EYS: variants seen among roughly 807,000 people sequenced by gnomAD.
EYS encodes EGF-like photoreceptor maintenance factor, also known as protein eyes shut homolog.
EYS carries 250 observed loss-of-function variants against 282.1 expected under a neutral mutation model. That is an observed-to-expected ratio of 0.89 (90% confidence interval 0.80 to 0.98). The LOEUF is 0.98. Ranked by LOEUF, EYS falls within the 50% of genes least tolerant of loss-of-function variation. The probability of loss-of-function intolerance (pLI) is 0.00; values close to 1 mark genes in which losing one functional copy is unlikely to be tolerated. For missense variants in EYS, 4,016 were observed against 3,709.0 expected (o/e 1.08, Z -2.15); for synonymous variants, 1,355 against 1,282.9 (o/e 1.06, Z -1.20).
intron 22 of EYS, among the ~76,000 whole-genome samples, chr6:64,646,983 G>C (rs972545138): frequency 6.6e-6 from 1 of 152,044 alleles, no homozygotes; most frequent in East Asian, 1.9e-4. Context: ...AAAGAGTAGT[G>C]AATGGAATGT....
At chr6:64,396,564 A>G (rs1002142854) in intron 28 of EYS, among the ~76,000 whole-genome samples, 8 of 152,110 alleles carry the variant, frequency 5.3e-5, no homozygotes, top group African/African-American at 1.7e-4. Flanking sequence ...ATTGACATTT[A>G]GATCTACAAT....
chr6:64,090,918 A>C (rs1205337403), intron 31 of EYS, among the ~76,000 whole-genome samples: 1 of 152,174 alleles, frequency 6.6e-6, no homozygotes, highest in African/African-American at 2.4e-5. Flanking sequence ...AATTACTGCC[A>C]AATGGATGTT....
At chr6:64,459,632 C>T (rs1434880115) in intron 26 of EYS, among the ~76,000 whole-genome samples, 1 of 152,038 alleles carries the variant, frequency 6.6e-6, no homozygotes, top group African/African-American at 2.4e-5. Context: ...GGTGTAAGTC[C>T]AAGAATCCAA....
intron 1 of EYS, among the ~76,000 whole-genome samples, chr6:65,660,505 A>C (rs2149825200): frequency 6.6e-6 from 1 of 151,836 alleles, no homozygotes; most frequent in East Asian, 1.9e-4. Flanking sequence ...CCTTTTTGAA[A>C]CCTGTAAGGA....
chr6:64,316,112 T>C lies in EYS; in HGVS notation c.6079-9030A>G, dbSNP rs1276589657. ...AATGACAAACTTACAGCCAATATCA[T>C]ACTGAATGGGCAAAAACTGGAAACA... is the stretch of plus-strand genomic sequence containing the variant. On this transcript the variant is annotated intron_variant, in intron 29 of 42. Transcript: ENST00000503581. Among the ~76,000 whole-genome samples the C allele has an allele frequency of 2.6e-5, 4 of 152,288 alleles. No homozygotes were observed. The East Asian group carries it at 7.7e-4, about 29-fold the overall frequency.
intron 12 of EYS, among the ~76,000 whole-genome samples, chr6:65,289,565 GA>G (rs1419255326): frequency 6.6e-6 from 1 of 151,010 alleles, no homozygotes; most frequent in African/African-American, 2.4e-5. Flanking sequence ...ATATACCACA[GA>G]AAAAGACATT....
At chr6:63,944,648 G>A (rs922930933) in intron 35 of EYS, among the ~76,000 whole-genome samples, 1 of 152,090 alleles carries the variant, frequency 6.6e-6, no homozygotes, top group African/African-American at 2.4e-5. Context: ...AACTATACTG[G>A]CCAGGAGTGG....
intron 5 of EYS, among the ~76,000 whole-genome samples, chr6:65,425,744 G>A (rs1000510390): frequency 1.3e-5 from 2 of 152,018 alleles, no homozygotes; most frequent in African/African-American, 4.8e-5. Flanking sequence ...CATGGCGAGG[G>A]ACCAGTCTTT....
At chr6:64,818,944 T>C (rs1764820161) in intron 21 of EYS, among the ~76,000 whole-genome samples, 1 of 152,170 alleles carries the variant, frequency 6.6e-6, no homozygotes, top group South Asian at 2.1e-4. Flanking sequence ...CAATTTTGCT[T>C]GTCTTGCTGC....
intron 12 of EYS, among the ~76,000 whole-genome samples, chr6:65,188,209 G>A (rs534447134): frequency 6.6e-6 from 1 of 151,688 alleles, no homozygotes; most frequent in South Asian, 2.1e-4. Flanking sequence ...AGCTCTAGAA[G>A]TTTCTTCTGT....
intron 13 of EYS, among the ~76,000 whole-genome samples, chr6:65,029,247 C>G (rs946131720): frequency 3.9e-5 from 6 of 151,916 alleles, no homozygotes; most frequent in African/African-American, 1.5e-4. Context: ...AAATCAAGAT[C>G]TAGGTGATCA....
At chr6:65,243,415 G>T (rs1237359307) in intron 12 of EYS, among the ~76,000 whole-genome samples, 8 of 152,096 alleles carry the variant, frequency 5.3e-5, no homozygotes, top group South Asian at 2.1e-4. Flanking sequence ...AATAGGAGTT[G>T]GGGGGTGAAG....
At chr6:65,438,566 C>T (rs374303089) in intron 5 of EYS, among the ~76,000 whole-genome samples, 1 of 152,152 alleles carries the variant, frequency 6.6e-6, no homozygotes, top group African/African-American at 2.4e-5. Context: ...GTGTGAGATG[C>T]TATCTCATTG....
At chr6:64,295,445 GA>G (rs1393461566) in intron 30 of EYS, among the ~76,000 whole-genome samples, 2 of 4,510 alleles carry the variant, frequency 4.4e-4, no homozygotes. Context: ...GGAAGAAGAG[GA>G]AGAAGAAGAA....
At chr6:65,092,999 T>C (rs1405364380) in intron 12 of EYS, among the ~76,000 whole-genome samples, 1 of 152,120 alleles carries the variant, frequency 6.6e-6, no homozygotes, top group Non-Finnish European at 1.5e-5. Flanking sequence ...TGATGCATTA[T>C]CATCAAATTA....
At chr6:65,056,539 A>G (rs961856026) in intron 13 of EYS, among the ~76,000 whole-genome samples, 1 of 152,050 alleles carries the variant, frequency 6.6e-6, no homozygotes, top group Non-Finnish European at 1.5e-5. Flanking sequence ...GCAGTGAGCT[A>G]CGATAGCACC....
chr6:64,377,368 C>A (rs1391677828), intron 29 of EYS, among the ~76,000 whole-genome samples: 1 of 152,054 alleles, frequency 6.6e-6, no homozygotes, highest in African/African-American at 2.4e-5. Context: ...AAAGTAGACC[C>A]AAAACAATGG....
At chr6:64,366,386 T>C (rs1190512364) in intron 29 of EYS, among the ~76,000 whole-genome samples, 1 of 151,990 alleles carries the variant, frequency 6.6e-6, no homozygotes, top group Non-Finnish European at 1.5e-5. Context: ...GGACTGGCAA[T>C]AGGTGAGAAA....
chr6:63,921,559 C>CTG, intron 35 of EYS, among the ~76,000 whole-genome samples: 1 of 152,204 alleles, frequency 6.6e-6, no homozygotes, highest in Non-Finnish European at 1.5e-5. Context: ...GCTGACGCAT[C>CTG]TGTGACTCGA....
Sources: allele counts gnomAD v4.1 joint callset (sites outside exome capture counted in the v4.1 genomes callset), GRCh38; gene constraint gnomAD v4.1.1; transcripts MANE v1.5; gene names NCBI Gene and HGNC (gene_info 2026-07-23, HGNC 2026-07-21).